Variants in SARM1 observed in about 807,000 individuals in gnomAD.
SARM1 encodes sterile alpha and TIR motif containing 1.
SARM1 carries 60 observed loss-of-function variants against 65.1 expected under a neutral mutation model. The observed-to-expected ratio is 0.92, with a 90% CI of 0.75 to 1.14. The LOEUF (loss-of-function observed/expected upper bound fraction) is 1.14, where lower values mean the gene tolerates loss of function less well. Ranked by LOEUF, SARM1 falls within the 50% of genes most tolerant of loss-of-function variation. SARM1 has a pLI of 0.00. For synonymous variants in SARM1, 417 were observed against 465.4 expected, an observed-to-expected ratio of 0.90 and a Z score of 1.34; for missense variants, 913 against 1,015.7, an observed-to-expected ratio of 0.90 and a Z score of 1.37.
At position 28,401,569 on chromosome 17, in the gene SARM1, C is replaced by T. The variant is rs1454686237; in HGVS notation, c.*5283C>T. ...GAGAAGCTGTTCTTTATAGATATAC[C>T]AGGAGAACCCACAGTTTACAAAATG... On this transcript the variant is annotated 3_prime_UTR_variant, in exon 9 of 9. Coordinates refer to ENST00000585482, the MANE Select transcript of SARM1 (RefSeq NM_015077.4). The T allele has an allele frequency of 4.6e-5, 7 of 152,228 alleles. No individual in the cohort carries two copies. Among genetic ancestry groups the T allele is most frequent in the African/African-American group, 1.4e-4 (6 of 41,408 alleles). 9.4% of individuals were successfully genotyped at this position (152,228 alleles called of 1,614,324 possible). A position where few individuals can be genotyped will look rare whatever the true frequency, so the allele number is the denominator to read the frequency against.
At chr17:28,396,121 C>A in intron 8 of SARM1, 36 bp from the exon 9 acceptor site, 2 of 1,613,888 alleles carry the variant, frequency 1.2e-6, no homozygotes, top group Admixed American at 1.7e-5. Context: ...TCCCTCTGCC[C>A]AGCTGTCTGA....
rs1315994213 is a variant in SARM1 at position 28,372,538 on chromosome 17, G to A, written c.470+36G>A. On this transcript the variant is annotated intron_variant, in intron 1 of 8. Transcript: ENST00000585482. The surrounding 1 kb of genome is among the most constrained non-coding windows in gnomAD (Gnocchi z 5.2). ...CAGGCCGGGGTTGGGAGAGCGCCGC[G>A]TGGTGTGGACAGTTAAGCGCCTGCG... 4.1e-6 allele frequency: 6 copies of A among 1,480,008 alleles called. No individual in the cohort carries two copies. The highest frequency in any genetic ancestry group is 5.4e-6 in the Non-Finnish European group (6 of 1,114,012). The allele number at this position is 1,480,008 out of a possible 1,614,324, so 91.7% of individuals were successfully genotyped here. A position where few individuals can be genotyped will look rare whatever the true frequency, so the allele number is the denominator to read the frequency against.
At position 28,372,028 on chromosome 17, in the gene SARM1, C is replaced by A; in HGVS notation, c.-5C>A. 3 of 1,489,746 alleles carry A rather than the reference C, an allele frequency of 2.0e-6. No homozygotes were observed. Among genetic ancestry groups the A allele is most frequent in the Middle Eastern group, 2.4e-4 (1 of 4,162 alleles). 92.3% of individuals were successfully genotyped at this position (1,489,746 alleles called of 1,614,324 possible). A position where few individuals can be genotyped will look rare whatever the true frequency, so the allele number is the denominator to read the frequency against. ...GCCGGGGATGTCCCCCGCGGCCCCG[C>A]GCCCATGGTCCTGACGCTGCTTCTC... is the stretch of plus-strand genomic sequence containing the variant. On this transcript the variant is annotated 5_prime_UTR_variant, in exon 1 of 9. Transcript: ENST00000585482. This position sits in a 1 kb window ranked among gnomAD's most constrained non-coding sequence, Gnocchi z 5.2.
intron 7 of SARM1, among the ~76,000 whole-genome samples, chr17:28,394,437 T>C (rs1257003838): frequency 6.6e-6 from 1 of 152,220 alleles, no homozygotes; most frequent in African/African-American, 2.4e-5. Context: ...CCAAATTGTT[T>C]GGGGTTTTTC....
chr17:28,389,316 G>A (rs555344491), intron 7 of SARM1, among the ~76,000 whole-genome samples: 3 of 152,190 alleles, frequency 2.0e-5, no homozygotes, highest in Middle Eastern at 6.9e-3. Flanking sequence ...TTAGCAGAAT[G>A]GCTGGCACAT....
At chr17:28,374,834 G>A (rs919261219) in intron 1 of SARM1, among the ~76,000 whole-genome samples, 12 of 151,700 alleles carry the variant, frequency 7.9e-5, no homozygotes, top group Admixed American at 1.3e-4. Context: ...CAGATTAGCC[G>A]GGCGTGATGG....
intron 7 of SARM1, 69 bp from the exon 8 acceptor site, chr17:28,395,836 C>G: frequency 6.3e-7 from 1 of 1,592,392 alleles, no homozygotes; most frequent in Non-Finnish European, 8.6e-7. Flanking sequence ...GGCCTCCCAG[C>G]ACCTGCCTGG....
At chr17:28,388,766 C>CTT (rs371410539) in intron 7 of SARM1, among the ~76,000 whole-genome samples, 9,865 of 135,818 alleles carry the variant, frequency 0.073, 534 homozygotes, top group East Asian at 0.22. Flanking sequence ...TTTTCTTTTT[C>CTT]TTTTTTTTTT....
chr17:28,374,245 T>TCCACC (rs1383578962), intron 1 of SARM1: 2 of 126,760 alleles, frequency 1.6e-5, no homozygotes, highest in Non-Finnish European at 3.1e-5. Flanking sequence ...GCCATTGCAC[T>TCCACC]CCACCCCACG....
intron 7 of SARM1, among the ~76,000 whole-genome samples, chr17:28,392,850 G>A (rs1053553133): frequency 5.9e-5 from 9 of 152,158 alleles, no homozygotes; most frequent in Non-Finnish European, 7.3e-5. Context: ...GTCTTGGACC[G>A]GCCCCAGAGG....
At position 28,381,782 on chromosome 17, in the gene SARM1, C is replaced by A; in HGVS notation, c.1050C>A (p.Cys350Ter). 1 of 1,461,480 alleles carries A rather than the reference C, an allele frequency of 6.8e-7. No homozygotes were observed. The highest frequency in any genetic ancestry group is 9.0e-7 in the Non-Finnish European group (1 of 1,105,342). The allele number at this position is 1,461,480 out of a possible 1,614,324, so 90.5% of individuals were successfully genotyped here. The stretch of plus-strand genomic sequence containing the variant: ...AGTGCATCGGGGCTTTCTACCTCTG[C>A]GCCGAGGCTGCCATCAAGAGCCTGC... ...EAQCIGAFYLCAEAAIKSLQG... is the reference protein window; with the variant it reads ...EAQCIGAFYL The change falls in exon 2 of 9, where the codon TGC becomes TGA. Residue 350 changes from cysteine (C) to a stop codon, truncating the protein, a stop_gained. Coordinates refer to ENST00000585482, the MANE Select transcript of SARM1 (RefSeq NM_015077.4). LOFTEE classifies it high-confidence loss of function.
At chr17:28,394,331 A>C (rs2068096946) in intron 7 of SARM1, among the ~76,000 whole-genome samples, 1 of 152,214 alleles carries the variant, frequency 6.6e-6, no homozygotes, top group Non-Finnish European at 1.5e-5. Context: ...GGAGGTAGGG[A>C]AAAATAGTGG....
At position 28,397,305 on chromosome 17, in the gene SARM1, G is replaced by A. The variant is rs1555588347; in HGVS notation, c.*1019G>A. 6.6e-6 allele frequency: 1 copy of A among 152,316 alleles called. No homozygotes were observed. The highest frequency in any genetic ancestry group is 2.4e-5 in the African/African-American group (1 of 41,470). 9.4% of individuals were successfully genotyped at this position (152,316 alleles called of 1,614,324 possible). ...CCTGGGAATGTTGTTAAAATCAGGA[G>A]ATCTGGGGTGGGGCCTAGGACTCTG... On this transcript the variant is annotated 3_prime_UTR_variant, in exon 9 of 9. Transcript: ENST00000585482.
At chr17:28,383,085 G>A (rs544275185) in intron 2 of SARM1, among the ~76,000 whole-genome samples, 86 of 152,320 alleles carry the variant, frequency 5.6e-4, no homozygotes, top group African/African-American at 1.7e-3. Context: ...ATCAAAAAGA[G>A]ACTGCTGGCT....
rs78487787 is a variant in SARM1 at position 28,381,932 on chromosome 17, A to G, written c.1089+111A>G. The stretch of plus-strand genomic sequence containing the variant: ...TTGAAATACACATCAGAATTAGATG[A>G]AGCAAGACAAAGGAGGAGCGGGCCA... On this transcript the variant is annotated intron_variant, in intron 2 of 8. Transcript: ENST00000585482. 1.7e-4 allele frequency: 215 copies of G among 1,272,264 alleles called. 2 individuals carry two copies. In the African/African-American group the frequency reaches 3.1e-3, roughly 19 times the overall value. The allele number at this position is 1,272,264 out of a possible 1,614,324, so 78.8% of individuals were successfully genotyped here. A position where few individuals can be genotyped will look rare whatever the true frequency, so the allele number is the denominator to read the frequency against.
Position 28,371,823 on chromosome 17 carries a change from C to A in SARM1, c.-210C>A. 6.7e-6 allele frequency: 3 copies of A among 446,700 alleles called. No individual in the cohort carries two copies. In the East Asian group the frequency reaches 1.1e-4, roughly 16 times the overall value. 27.7% of individuals were successfully genotyped at this position (446,700 alleles called of 1,614,324 possible). A position where few individuals can be genotyped will look rare whatever the true frequency, so the allele number is the denominator to read the frequency against. ...CTTTCGCCCACTCCCTGCATCTGGG[C>A]CTGCATCACCTTTGCCAACCGCTCC... On this transcript the variant is annotated 5_prime_UTR_variant, in exon 1 of 9. Transcript: ENST00000585482.
At position 28,402,145 on chromosome 17, in the gene SARM1, G is replaced by T. The variant is rs1567816783; in HGVS notation, c.*5859G>T. The T allele has an allele frequency of 9.2e-7, 1 of 1,081,714 alleles. No individual in the cohort carries two copies. 67.0% of individuals were successfully genotyped at this position (1,081,714 alleles called of 1,614,324 possible). A position where few individuals can be genotyped will look rare whatever the true frequency, so the allele number is the denominator to read the frequency against. Reference sequence around the variant, plus strand: ...ACTTCTCCAGGGTGAGAGGGGGGAAGGCAAGCTGTTCCCCCAGCCATGGCT... The same window carrying T: ...ACTTCTCCAGGGTGAGAGGGGGGAATGCAAGCTGTTCCCCCAGCCATGGCT... On this transcript the variant is annotated 3_prime_UTR_variant, in exon 9 of 9. Transcript: ENST00000585482.
At chr17:28,373,427 C>CT (rs2142421563) in intron 1 of SARM1, 1 of 152,328 alleles carries the variant, frequency 6.6e-6, no homozygotes, top group African/African-American at 2.4e-5. Flanking sequence ...GCTCATGCAG[C>CT]TCTCACAAGT....
In SARM1 at chr17:28,400,595, A is replaced by C; in HGVS notation, c.*4309A>C. On this transcript the variant is annotated 3_prime_UTR_variant, in exon 9 of 9. Transcript: ENST00000585482. ...AGGGCTCCATTATGAGCATGGGTTC[A>C]GGGCCCTGCATTACCCAATCAGAAC... 1 of 1,613,502 alleles carries C rather than the reference A, an allele frequency of 6.2e-7. No homozygotes were observed. Among genetic ancestry groups the C allele is most frequent in the Non-Finnish European group, 8.5e-7 (1 of 1,179,706 alleles).
Sources: allele counts gnomAD v4.1 joint callset (sites outside exome capture counted in the v4.1 genomes callset), GRCh38; gene constraint gnomAD v4.1.1; non-coding constraint Gnocchi (gnomAD v3.1); transcripts MANE v1.5; gene names NCBI Gene and HGNC (gene_info 2026-07-23, HGNC 2026-07-21).